PGR: variants seen among roughly 807,000 people sequenced by gnomAD.
The protein encoded by PGR is progesterone receptor, also known as nuclear receptor subfamily 3 group C member 3.
PGR carries 25 observed loss-of-function variants against 76.1 expected under a neutral mutation model. The observed-to-expected ratio is 0.33, with a 90% CI of 0.24 to 0.46. PGR has a LOEUF of 0.46. Among genes scored for constraint, PGR ranks in the 20% least tolerant of loss-of-function variants. The pLI, the probability that PGR is intolerant of heterozygous loss-of-function variation, is 1.00. For synonymous variants in PGR, 579 were observed against 535.0 expected (o/e 1.08, Z -1.14); for missense variants, 1,172 against 1,225.3 (o/e 0.96, Z 0.65).
chr11:101,075,025 A>C (rs1861073882), intron 3 of PGR, among the ~76,000 whole-genome samples: 1 of 152,192 alleles, frequency 6.6e-6, no homozygotes. Context: ...AGACAATCCT[A>C]AGCAAAAAGA....
chr11:101,129,317 G>T lies in PGR; in HGVS notation c.-247C>A. ...GTTTGTCCCAGCGAGCGGCAAGTGG[G>T]GAGCGCAAGAAAAAGTAGTAATTGT... On this transcript the variant is annotated 5_prime_UTR_variant, in exon 1 of 8. Transcript: ENST00000325455. 2.1e-6 allele frequency: 1 copy of T among 487,592 alleles called. No individual in the cohort carries two copies. Among genetic ancestry groups the T allele is most frequent in the Non-Finnish European group, 3.6e-6 (1 of 277,140 alleles). 30.2% of individuals were successfully genotyped at this position (487,592 alleles called of 1,614,324 possible).
intron 4 of PGR, among the ~76,000 whole-genome samples, chr11:101,056,578 T>C (rs1860300338): frequency 6.8e-6 from 1 of 146,060 alleles, no homozygotes; most frequent in Non-Finnish European, 1.5e-5. Flanking sequence ...AGTTCTAAGC[T>C]GCCGTGAGCT....
Position 101,127,832 on chromosome 11 carries a change from G to A in PGR, c.1239C>T (p.Ala413=). ...SYLVAGANPA[A]FPDFPLGPPP... ...GTGGCCCCAACGGGAAATCCGGGAA[G>A]GCTGCGGGGTTGGCACCGGCCACAA... The change falls in exon 1 of 8, where the codon GCC becomes GCT. Residue 413 remains alanine (A), a synonymous_variant. Coordinates refer to ENST00000325455, the MANE Select transcript of PGR (RefSeq NM_000926.4). The A allele has an allele frequency of 6.3e-7, 1 of 1,580,930 alleles. No homozygotes were observed. Among genetic ancestry groups the A allele is most frequent in the South Asian group, 1.1e-5 (1 of 89,174 alleles).
At chr11:101,047,654 A>G (rs1859936631) in intron 6 of PGR, among the ~76,000 whole-genome samples, 1 of 152,150 alleles carries the variant, frequency 6.6e-6, no homozygotes, top group African/African-American at 2.4e-5. Flanking sequence ...TGTTGCCAAG[A>G]AAGACCTTAG....
intron 2 of PGR, among the ~76,000 whole-genome samples, chr11:101,110,792 A>T (rs1361753366): frequency 1.3e-5 from 2 of 152,114 alleles, no homozygotes; most frequent in African/African-American, 4.8e-5. Context: ...GATATGGTAA[A>T]CTTCACTGTT....
chr11:101,086,406 A>T (rs752675531), intron 3 of PGR, among the ~76,000 whole-genome samples: 43 of 152,146 alleles, frequency 2.8e-4, no homozygotes, highest in Non-Finnish European at 4.7e-4. Context: ...CATGATAAAA[A>T]CCCTCAAGAA....
At chr11:101,072,672 C>T (rs543138464) in intron 3 of PGR, among the ~76,000 whole-genome samples, 5 of 152,242 alleles carry the variant, frequency 3.3e-5, no homozygotes, top group Admixed American at 2.0e-4. Context: ...GCAGGGGTTG[C>T]AATCCTAGTC....
chr11:101,029,653 C>A lies in PGR; in HGVS notation c.*9463G>T. The A allele has an allele frequency of 5.2e-6, 1 of 193,804 alleles. No homozygotes were observed. The highest frequency in any genetic ancestry group is 8.2e-5 in the East Asian group (1 of 12,214). The allele number at this position is 193,804 out of a possible 1,614,324, so 12.0% of individuals were successfully genotyped here. On this transcript the variant is annotated 3_prime_UTR_variant, in exon 8 of 8. Transcript: ENST00000325455. ...AATTAGTTTATTCTTTATTATCACA[C>A]AGAATAACAAGAATTAGAGTTAAAT...
At chr11:101,072,610 C>T (rs903267107) in intron 3 of PGR, among the ~76,000 whole-genome samples, 1 of 151,970 alleles carries the variant, frequency 6.6e-6, no homozygotes, top group Admixed American at 6.6e-5. Flanking sequence ...ACAATATGCT[C>T]AAAATAAAGG....
intron 3 of PGR, among the ~76,000 whole-genome samples, chr11:101,068,372 A>G (rs1860799967): frequency 6.6e-6 from 1 of 152,152 alleles, no homozygotes; most frequent in Admixed American, 6.6e-5. Flanking sequence ...AAATCAGGGC[A>G]CAAACAAATG....
chr11:101,121,391 G>T (rs2135502356), intron 2 of PGR, among the ~76,000 whole-genome samples: 1 of 152,316 alleles, frequency 6.6e-6, no homozygotes, highest in Middle Eastern at 3.4e-3. Context: ...CACAGAAGTT[G>T]CTGATGAAAA....
At position 101,030,342 on chromosome 11, in the gene PGR, T is replaced by G. The variant is rs564019241; in HGVS notation, c.*8774A>C. ...CAGTCAAAGTATGTTAGGGGAAATT[T>G]AAAACATTACATAGAAAATAAGTAT... On this transcript the variant is annotated 3_prime_UTR_variant, in exon 8 of 8. Coordinates refer to ENST00000325455, the MANE Select transcript of PGR (RefSeq NM_000926.4). 1 of 226,182 alleles carries G rather than the reference T, an allele frequency of 4.4e-6. No individual in the cohort carries two copies. Among genetic ancestry groups the G allele is most frequent in the East Asian group, 6.4e-5 (1 of 15,634 alleles). The allele number at this position is 226,182 out of a possible 1,614,324, so 14.0% of individuals were successfully genotyped here.
chr11:101,102,038 T>C (rs552526426), intron 2 of PGR, among the ~76,000 whole-genome samples: 1 of 152,198 alleles, frequency 6.6e-6, no homozygotes, highest in Non-Finnish European at 1.5e-5. Flanking sequence ...CAAAGCCAGA[T>C]TATGGAACTT....
intron 2 of PGR, among the ~76,000 whole-genome samples, chr11:101,121,505 G>T (rs1359029558): frequency 6.6e-6 from 1 of 152,158 alleles, no homozygotes; most frequent in African/African-American, 2.4e-5. Context: ...CCCAACTTTT[G>T]AAAGAAACAC....
At chr11:101,048,230 A>T (rs1859959013) in intron 6 of PGR, among the ~76,000 whole-genome samples, 1 of 152,196 alleles carries the variant, frequency 6.6e-6, no homozygotes, top group Admixed American at 6.6e-5. Flanking sequence ...ATGTTTTAAC[A>T]ATTTATCTTG....
rs1011326049 is a variant in PGR at position 101,032,951 on chromosome 11, ATTAAT to A, written c.*6160_*6164del. On this transcript the variant is annotated 3_prime_UTR_variant, in exon 8 of 8. Coordinates refer to ENST00000325455, the MANE Select transcript of PGR (RefSeq NM_000926.4). ...AAGTAAGACTTTTCAACAAAAAATA[ATTAAT>A]TTAATGTTTTAGAGAGCCCTCCATG... The A allele has an allele frequency of 1.1e-5, 2 of 185,924 alleles. No homozygotes were observed. Among genetic ancestry groups the A allele is most frequent in the African/African-American group, 4.7e-5 (2 of 42,716 alleles). 11.5% of individuals were successfully genotyped at this position (185,924 alleles called of 1,614,324 possible).
Position 101,127,690 on chromosome 11 carries a change from T to G in PGR, c.1381A>C (p.Ile461Leu), listed in dbSNP as rs774680853. 4 of 1,580,752 alleles carry G rather than the reference T, an allele frequency of 2.5e-6. No homozygotes were observed. The highest frequency in any genetic ancestry group is 1.1e-5 in the South Asian group (1 of 88,188). ...ASSSGSTLECILYKAEGAPPQ... is the reference protein window; with the variant it reads ...ASSSGSTLECLLYKAEGAPPQ... ...GGCGCGCCCTCCGCTTTGTACAGGA[T>G]GCACTCCAGGGTCGACCCCGAGGAG... Residue 461 changes from isoleucine to leucine, a missense_variant, in exon 1 of 8, where the codon ATC becomes CTC. Physicochemically the swap from Ile to Leu is conservative, Grantham distance 5 (BLOSUM62 2). Coordinates refer to ENST00000325455, the MANE Select transcript of PGR (RefSeq NM_000926.4).
intron 3 of PGR, among the ~76,000 whole-genome samples, chr11:101,064,381 C>T (rs1357608909): frequency 1.8e-5 from 2 of 109,480 alleles, no homozygotes; most frequent in Non-Finnish European, 3.7e-5. Context: ...ACAGCCCCAA[C>T]GAGTTGAGCT....
At chr11:101,109,101 G>T (rs1042929006) in intron 2 of PGR, among the ~76,000 whole-genome samples, 2 of 152,326 alleles carry the variant, frequency 1.3e-5, no homozygotes, top group African/African-American at 4.8e-5. Context: ...TGTGTGTTCA[G>T]ACTGCTCCAC....
Sources: gnomAD v4.1 joint callset for allele counts (sites outside exome capture counted in the v4.1 genomes callset) on GRCh38, gnomAD v4.1.1 for gene constraint, MANE v1.5 for transcripts, NCBI Gene and HGNC (gene_info 2026-07-23, HGNC 2026-07-21) for gene names.